Variants in ZNF773 observed in about 807,000 individuals in gnomAD.
The protein encoded by ZNF773 is zinc finger protein 773, also known as zinc finger protein 419B.
In ZNF773, 11 loss-of-function variants were observed where a neutral mutation model predicts 12.8. The observed-to-expected ratio is 0.86, with a 90% CI of 0.54 to 1.42. The LOEUF (loss-of-function observed/expected upper bound fraction) is 1.42. Among genes scored for constraint, ZNF773 ranks in the 40% most tolerant of loss-of-function variants. The probability of loss-of-function intolerance (pLI) is 0.00; values close to 1 mark genes in which losing one functional copy is unlikely to be tolerated. For missense variants in ZNF773, 518 were observed against 527.2 expected (o/e 0.98, Z 0.17); for synonymous variants, 175 against 178.4 (o/e 0.98, Z 0.15).
chr19:57,504,563 T>A (rs1312429604), intron 1 of ZNF773, 94 bp from the exon 2 acceptor site: 1 of 1,554,572 alleles, frequency 6.4e-7, no homozygotes, highest in Non-Finnish European at 8.8e-7. Flanking sequence ...GAGATGGGGA[T>A]TAAGGAAGAG....
downstream of ZNF773, among the ~76,000 whole-genome samples, chr19:57,508,958 G>T (rs1013223590): frequency 6.6e-6 from 1 of 151,998 alleles, no homozygotes; most frequent in Non-Finnish European, 1.5e-5. Flanking sequence ...ATGGTCTGTG[G>T]CTTTTGTTTT....
chr19:57,507,193 A>G lies in ZNF773; in HGVS notation c.1098A>G (p.Lys366=), dbSNP rs1342081211. 6.2e-6 allele frequency: 10 copies of G among 1,614,166 alleles called. No individual in the cohort carries two copies. The highest frequency in any genetic ancestry group is 1.7e-5 in the Admixed American group (1 of 60,030). Residue 366 remains lysine (K), a synonymous_variant, in exon 4 of 4, where the codon AAA becomes AAG. Transcript: ENST00000282292. ...ERPYECSECG[K]FFSQSSSLMQ... Reference sequence around the variant, plus strand: ...CTTATGAGTGCAGTGAATGTGGGAAATTTTTTAGCCAAAGCTCAAGCCTCA... The same window carrying G: ...CTTATGAGTGCAGTGAATGTGGGAAGTTTTTTAGCCAAAGCTCAAGCCTCA...
At chr19:57,515,620 T>C (rs762025627), downstream of ZNF773, 19 of 152,172 alleles carry the variant, frequency 1.2e-4, no homozygotes, top group Non-Finnish European at 1.9e-4. Context: ...GATGACATTG[T>C]CTGTCACCTT....
At chr19:57,503,809 C>T (rs1247803409) in intron 1 of ZNF773, among the ~76,000 whole-genome samples, 10 of 152,076 alleles carry the variant, frequency 6.6e-5, no homozygotes, top group Non-Finnish European at 1.5e-4. Context: ...AGGCATGCGC[C>T]ACCACCCCCA....
At chr19:57,517,208 G>A (rs538108625), downstream of ZNF773, 23 of 152,280 alleles carry the variant, frequency 1.5e-4, no homozygotes, top group African/African-American at 5.3e-4. Flanking sequence ...GGTAAACAAT[G>A]CCCAATCGAT....
At position 57,507,305 on chromosome 19, in the gene ZNF773, A is replaced by G; in HGVS notation, c.1210A>G (p.Lys404Glu). 6.2e-7 allele frequency: 1 copy of G among 1,614,186 alleles called. No homozygotes were observed. Among genetic ancestry groups the G allele is most frequent in the East Asian group, 2.2e-5 (1 of 44,870 alleles). Residue 404 changes from lysine (K) to glutamate (E), a missense_variant, in exon 4 of 4, where the codon AAA becomes GAA. By Grantham distance (56) the Lys-to-Glu change is moderately conservative. Transcript: ENST00000282292. ...CTTTAGTGAGAATTCCAGCCTTGTT[A>G]AACATCAGAGGGTTCACACTGGAGC... The part of the protein sequence containing the change: ...RFFSENSSLV[K>E]HQRVHTGAKP...
downstream of ZNF773, chr19:57,513,992 A>T (rs1032733898): frequency 6.6e-6 from 1 of 152,218 alleles, no homozygotes; most frequent in African/African-American, 2.4e-5. Context: ...CTTGTTATCA[A>T]TGGAAAGTTT....
At chr19:57,502,989 C>G (rs1419530579) in intron 1 of ZNF773, among the ~76,000 whole-genome samples, 1 of 152,134 alleles carries the variant, frequency 6.6e-6, no homozygotes, top group Non-Finnish European at 1.5e-5. Context: ...CAGCGCCTAG[C>G]CAGAGTCTGT....
At chr19:57,504,997 G>T in intron 2 of ZNF773, 1 of 876,906 alleles carries the variant, frequency 1.1e-6, no homozygotes, top group East Asian at 2.6e-5. Flanking sequence ...AGGGTTTGGG[G>T]GTCAGGAGTC....
downstream of ZNF773, chr19:57,514,461 G>A (rs2089819570): frequency 6.6e-6 from 1 of 152,198 alleles, no homozygotes; most frequent in Admixed American, 6.5e-5. Context: ...GGAGGCAGAA[G>A]CTGAATTATA....
intron 1 of ZNF773, among the ~76,000 whole-genome samples, chr19:57,504,079 G>A (rs2089699313): frequency 6.6e-6 from 1 of 152,328 alleles, no homozygotes; most frequent in South Asian, 2.1e-4. Context: ...GTAGCTGAAG[G>A]TGAAGCAACA....
rs763347147 is a variant in ZNF773 at position 57,506,930 on chromosome 19, G to T, written c.835G>T (p.Glu279Ter). 1 of 1,614,204 alleles carries T rather than the reference G, an allele frequency of 6.2e-7. No individual in the cohort carries two copies. Among genetic ancestry groups the T allele is most frequent in the East Asian group, 2.2e-5 (1 of 44,884 alleles). ...TGGAGAAAAGCCTTTTACATGCAGT[G>T]AATGTGGAAAAGCTTTCAGGCATAA... is the stretch of plus-strand genomic sequence containing the variant. The part of the protein sequence containing the change: ...HTGEKPFTCS[E>*]CGKAFRHNST... Residue 279 changes from glutamate to a stop codon, truncating the protein, a stop_gained, in exon 4 of 4, where the codon GAA becomes TAA. Coordinates refer to ENST00000282292, the MANE Select transcript of ZNF773 (RefSeq NM_198542.3). LOFTEE classifies it low-confidence loss of function (END_TRUNC).
At chr19:57,515,926 T>C (rs1427276389), downstream of ZNF773, 1 of 152,168 alleles carries the variant, frequency 6.6e-6, no homozygotes, top group East Asian at 1.9e-4. Context: ...CAGAATGACA[T>C]TGGCAAATGT....
chr19:57,504,666 G>A lies in ZNF773; in HGVS notation c.43G>A (p.Val15Met), dbSNP rs1174699363. 2.5e-6 allele frequency: 4 copies of A among 1,614,128 alleles called. No individual in the cohort carries two copies. In the South Asian group the frequency reaches 4.4e-5, roughly 18 times the overall value. Reference sequence around the variant, plus strand: ...ACTCTGTCCATCTTAGCAGGGCTATGTGACCTTTGAGGACGTGGCTGTCTA... The same window carrying A: ...ACTCTGTCCATCTTAGCAGGGCTATATGACCTTTGAGGACGTGGCTGTCTA... The part of the protein sequence containing the change: ...TLRDPAQQGY[V>M]TFEDVAVYFS... Residue 15 changes from valine (V) to methionine (M), a missense_variant, in exon 2 of 4, where the codon GTG becomes ATG. Coordinates refer to ENST00000282292, the MANE Select transcript of ZNF773 (RefSeq NM_198542.3).
At position 57,507,172 on chromosome 19, in the gene ZNF773, T is replaced by C. The variant is rs761681417; in HGVS notation, c.1077T>C (p.Tyr359=). Residue 359 remains tyrosine, a synonymous_variant, in exon 4 of 4, where the codon TAT becomes TAC. Transcript: ENST00000282292. ...HWRVHTGERP[Y]ECSECGKFFS... Reference sequence around the variant, plus strand: ...GTGTTCACACTGGAGAAAGGCCTTATGAGTGCAGTGAATGTGGGAAATTTT... The same window carrying C: ...GTGTTCACACTGGAGAAAGGCCTTACGAGTGCAGTGAATGTGGGAAATTTT... 12 of 1,614,028 alleles carry C rather than the reference T, an allele frequency of 7.4e-6. No homozygotes were observed. The highest frequency in any genetic ancestry group is 8.5e-7 in the Non-Finnish European group (1 of 1,180,028).
chr19:57,517,114 C>G (rs945121407), downstream of ZNF773: 8 of 152,186 alleles, frequency 5.3e-5, no homozygotes, highest in Non-Finnish European at 1.2e-4. Flanking sequence ...TTAATGTTAC[C>G]TTTGTAGAAA....
chr19:57,501,536 C>T (rs570664369), intron 1 of ZNF773, among the ~76,000 whole-genome samples: 8 of 152,198 alleles, frequency 5.3e-5, no homozygotes, highest in African/African-American at 1.7e-4. Flanking sequence ...ACCATTATTG[C>T]CATGTTGCAG....
At chr19:57,518,067 G>A (rs968675561), downstream of ZNF773, 1 of 153,572 alleles carries the variant, frequency 6.5e-6, no homozygotes, top group Non-Finnish European at 1.5e-5. Flanking sequence ...AACAGAAAAG[G>A]GGGGAGGTTG....
intron 1 of ZNF773, among the ~76,000 whole-genome samples, chr19:57,502,703 T>A (rs1195764340): frequency 6.6e-6 from 1 of 152,042 alleles, no homozygotes; most frequent in Non-Finnish European, 1.5e-5. Context: ...TTTGTTTTTG[T>A]TTTTTTGAGA....
Sources: allele counts gnomAD v4.1 joint callset (sites outside exome capture counted in the v4.1 genomes callset), GRCh38; gene constraint gnomAD v4.1.1; transcripts MANE v1.5; gene names NCBI Gene and HGNC (gene_info 2026-07-23, HGNC 2026-07-21).